DNAAF11: variants seen among roughly 807,000 people sequenced by gnomAD.
DNAAF11 encodes the protein leucine rich repeat containing 6.
In DNAAF11, 45 loss-of-function variants were observed where a neutral mutation model predicts 60.8. That is an observed-to-expected ratio of 0.74 (90% CI 0.58 to 0.95). The LOEUF is 0.95. Among genes scored for constraint, DNAAF11 ranks in the 40% least tolerant of loss-of-function variants. The probability of loss-of-function intolerance (pLI) is 0.00; values close to 1 mark genes in which losing one functional copy is unlikely to be tolerated. For missense variants in DNAAF11, 546 were observed against 546.2 expected (o/e 1.00, Z 0.00); for synonymous variants, 191 against 183.5 (o/e 1.04, Z -0.33).
intron 10 of DNAAF11, among the ~76,000 whole-genome samples, chr8:132,602,376 G>T (rs1372481979): frequency 6.6e-6 from 1 of 151,978 alleles, no homozygotes; most frequent in African/African-American, 2.4e-5. Context: ...CCTTATGTAG[G>T]GTTGTGCTGA....
chr8:132,600,855 A>C (rs1331959068), intron 10 of DNAAF11, among the ~76,000 whole-genome samples: 2 of 152,248 alleles, frequency 1.3e-5, no homozygotes, highest in East Asian at 3.8e-4. Context: ...TTCAGGACAT[A>C]GGCATGGGCA....
At chr8:132,582,009 A>G (rs1281233894) in intron 11 of DNAAF11, among the ~76,000 whole-genome samples, 1 of 152,142 alleles carries the variant, frequency 6.6e-6, no homozygotes, top group African/African-American at 2.4e-5. Context: ...TCTCCTCAGC[A>G]TGAGAAACAA....
intron 3 of DNAAF11, among the ~76,000 whole-genome samples, chr8:132,642,166 TG>T (rs1821922585): frequency 6.6e-6 from 1 of 152,238 alleles, no homozygotes; most frequent in Non-Finnish European, 1.5e-5. Flanking sequence ...TCTCAAATGT[TG>T]TAAGTATGCT....
intron 10 of DNAAF11, among the ~76,000 whole-genome samples, chr8:132,606,283 T>A (rs1818123692): frequency 6.6e-6 from 1 of 152,148 alleles, no homozygotes; most frequent in South Asian, 2.1e-4. Flanking sequence ...ATACTTTTTA[T>A]CATTATATTA....
chr8:132,645,455 G>A (rs552998264), intron 3 of DNAAF11, among the ~76,000 whole-genome samples: 26 of 152,260 alleles, frequency 1.7e-4, no homozygotes, highest in African/African-American at 5.8e-4. Context: ...GCAGCTCCTC[G>A]CCAGCAACGG....
chr8:132,618,062 G>A (rs1819360191), intron 7 of DNAAF11, among the ~76,000 whole-genome samples: 1 of 150,998 alleles, frequency 6.6e-6, no homozygotes, highest in South Asian at 2.1e-4. Context: ...CAAGGCTACA[G>A]TAACCAAAAC....
chr8:132,604,718 G>A (rs921788099), intron 10 of DNAAF11, among the ~76,000 whole-genome samples: 1 of 152,118 alleles, frequency 6.6e-6, no homozygotes, highest in Non-Finnish European at 1.5e-5. Context: ...AACTTGGAAT[G>A]AAGGCCAGAC....
chr8:132,610,104 G>C, intron 10 of DNAAF11, 62 bp downstream of exon 10: 1 of 1,186,042 alleles, frequency 8.4e-7, no homozygotes, highest in Non-Finnish European at 1.3e-6. Context: ...GTCCTGACAG[G>C]TCAAGTTCCT....
the DNAAF11 span, among the ~76,000 whole-genome samples, chr8:132,702,435 T>C: frequency 6.6e-6 from 1 of 152,140 alleles, no homozygotes. Context: ...GAAGTATTTA[T>C]TCAGCTAGAT....
intron 3 of DNAAF11, among the ~76,000 whole-genome samples, chr8:132,654,499 C>T (rs1823343691): frequency 6.6e-6 from 1 of 151,872 alleles, no homozygotes; most frequent in African/African-American, 2.4e-5. Context: ...ATGGAACAGC[C>T]TCTAGGACAG....
At chr8:132,584,725 G>A (rs552553991) in intron 10 of DNAAF11, among the ~76,000 whole-genome samples, 2 of 152,130 alleles carry the variant, frequency 1.3e-5, no homozygotes, top group Non-Finnish European at 2.9e-5. Context: ...CTCTCTTATG[G>A]GCAGGGTCAT....
intron 10 of DNAAF11, among the ~76,000 whole-genome samples, chr8:132,585,861 C>T (rs963477498): frequency 6.6e-6 from 1 of 152,172 alleles, no homozygotes; most frequent in African/African-American, 2.4e-5. Flanking sequence ...GTGGATGTTA[C>T]TTTGGCAGGG....
At chr8:132,614,733 A>G (rs113589937) in intron 8 of DNAAF11, among the ~76,000 whole-genome samples, 38 of 152,324 alleles carry the variant, frequency 2.5e-4, no homozygotes, top group African/African-American at 8.2e-4. Flanking sequence ...ACAGAGGACT[A>G]TGCCAGCAAA....
chr8:132,596,289 A>T (rs561141640), intron 10 of DNAAF11, among the ~76,000 whole-genome samples: 1 of 152,260 alleles, frequency 6.6e-6, no homozygotes, highest in African/African-American at 2.4e-5. Flanking sequence ...GTATATGTAA[A>T]ATCAACACTG....
chr8:132,698,971 C>A, the DNAAF11 span, among the ~76,000 whole-genome samples: 60,062 of 141,776 alleles, frequency 0.42, 14,380 homozygotes, highest in African/African-American at 0.68. Context: ...CACACACACA[C>A]AAAAAAAATT....
chr8:132,627,602 C>T (rs774259345), intron 5 of DNAAF11, among the ~76,000 whole-genome samples: 5 of 152,106 alleles, frequency 3.3e-5, no homozygotes, highest in South Asian at 2.1e-4. Flanking sequence ...AATTTCAAAT[C>T]GAAGCCATTC....
chr8:132,697,118 G>A, the DNAAF11 span, among the ~76,000 whole-genome samples: 506 of 152,284 alleles, frequency 3.3e-3, 2 homozygotes, highest in African/African-American at 0.011. Flanking sequence ...TCCAGAATAG[G>A]CAATTTTATA....
chr8:132,576,007 C>T (rs142039582), intron 11 of DNAAF11, among the ~76,000 whole-genome samples: 160 of 152,208 alleles, frequency 1.1e-3, no homozygotes, highest in South Asian at 9.9e-3. Context: ...TGGGGTACCT[C>T]GCCCACTACA....
intron 3 of DNAAF11, 111 bp downstream of exon 3, chr8:132,656,719 G>A (rs943092968): frequency 2.2e-5 from 12 of 536,328 alleles, no homozygotes; most frequent in African/African-American, 4.0e-5. Context: ...TGATCTGCCC[G>A]CCTTGGCCTC....
Sources: gnomAD v4.1 joint callset for allele counts (sites outside exome capture counted in the v4.1 genomes callset) on GRCh38, gnomAD v4.1.1 for gene constraint, MANE v1.5 for transcripts, NCBI Gene and HGNC (gene_info 2026-07-23, HGNC 2026-07-21) for gene names.